Variants in NYAP2 observed in about 807,000 individuals in gnomAD.
NYAP2 encodes the protein neuronal tyrosine-phosphorylated phosphoinositide-3-kinase adaptor 2.
A neutral mutation model predicts 50.4 loss-of-function variants in NYAP2; 23 were observed. That is an observed-to-expected ratio of 0.46 (90% confidence interval 0.33 to 0.65). The LOEUF is 0.65. Among genes scored for constraint, NYAP2 ranks in the 30% least tolerant of loss-of-function variants. The pLI is 0.02. For synonymous variants in NYAP2, 394 were observed against 365.2 expected (o/e 1.08, Z -0.90); for missense variants, 885 against 861.0 (o/e 1.03, Z -0.35).
chr2:225,415,029 A>C lies in NYAP2; in HGVS notation c.221+5928A>C, dbSNP rs562770462. Reference sequence around the variant, plus strand: ...TAGTTAAATTTTCCAAAACATTGTGAATCTGGAAGACAGCTCTCGACTTTA... The same window carrying C: ...TAGTTAAATTTTCCAAAACATTGTGCATCTGGAAGACAGCTCTCGACTTTA... On this transcript the variant is annotated intron_variant, in intron 3 of 6. Transcript: ENST00000636099. Among the ~76,000 whole-genome samples the C allele has an allele frequency of 7.9e-4, 121 of 152,222 alleles. 1 individual carries two copies. Among genetic ancestry groups the C allele is most frequent in the African/African-American group, 2.6e-3 (109 of 41,552 alleles).
Position 225,571,775 on chromosome 2 carries a change from C to T in NYAP2, c.524-10166C>T, listed in dbSNP as rs144001024. Among the ~76,000 whole-genome samples, 5 of 152,320 alleles carry T rather than the reference C, an allele frequency of 3.3e-5. No individual in the cohort carries two copies. In the East Asian group the frequency reaches 9.6e-4, roughly 29 times the overall value. On this transcript the variant is annotated intron_variant, in intron 4 of 6. Transcript: ENST00000636099. The stretch of plus-strand genomic sequence containing the variant: ...CATTATCTTGGTGATTAACATTTGG[C>T]TCCTTGTTACTTATGCAAATTTCTG...
At chr2:225,583,509 C>T (rs1692337530) in intron 5 of NYAP2, among the ~76,000 whole-genome samples, 1 of 151,724 alleles carries the variant, frequency 6.6e-6, no homozygotes. Flanking sequence ...TGACAATCTG[C>T]ACAATATAAC....
chr2:225,581,887 T>C, intron 4 of NYAP2, 54 bp from the exon 5 acceptor site: 2 of 1,513,022 alleles, frequency 1.3e-6, no homozygotes, highest in Non-Finnish European at 1.8e-6. Context: ...CAAATCATTT[T>C]TGAAAACTTT....
chr2:225,418,164 T>G (rs1695154382), intron 3 of NYAP2, among the ~76,000 whole-genome samples: 2 of 152,064 alleles, frequency 1.3e-5, no homozygotes, highest in African/African-American at 4.8e-5. Flanking sequence ...AAAAACAGAT[T>G]TCTAAGGAAG....
intron 3 of NYAP2, among the ~76,000 whole-genome samples, chr2:225,512,057 G>T (rs1690827776): frequency 6.6e-6 from 1 of 152,044 alleles, no homozygotes; most frequent in Non-Finnish European, 1.5e-5. Context: ...AGAAACTCTA[G>T]AAAAATCTTC....
intron 4 of NYAP2, among the ~76,000 whole-genome samples, chr2:225,538,581 C>T (rs912389668): frequency 1.3e-5 from 2 of 152,192 alleles, no homozygotes; most frequent in African/African-American, 4.8e-5. Context: ...GCCTGGCCCA[C>T]AAAACCACGT....
intron 3 of NYAP2, among the ~76,000 whole-genome samples, chr2:225,433,499 T>TA (rs1159916916): frequency 6.6e-6 from 1 of 151,922 alleles, no homozygotes; most frequent in Non-Finnish European, 1.5e-5. Flanking sequence ...GTCAAATTTT[T>TA]AAAGGGCAAA....
chr2:225,405,315 G>A lies in NYAP2; in HGVS notation c.-17-3549G>A, dbSNP rs896931888. Reference sequence around the variant, plus strand: ...GACAGAGCTAAAGATGCTACCTGGAGGAGAGGGGACATTTGCCTCTTAACA... The same window carrying A: ...GACAGAGCTAAAGATGCTACCTGGAAGAGAGGGGACATTTGCCTCTTAACA... On this transcript the variant is annotated intron_variant, in intron 2 of 6. Transcript: ENST00000636099. 6.9e-4 allele frequency among the ~76,000 whole-genome samples: 105 copies of A among 151,962 alleles called. 2 individuals carry two copies. The highest frequency in any genetic ancestry group is 1.5e-4 in the Non-Finnish European group (10 of 67,960).
chr2:225,604,221 A>G (rs1345400343), intron 5 of NYAP2, among the ~76,000 whole-genome samples: 2 of 152,154 alleles, frequency 1.3e-5, no homozygotes, highest in Non-Finnish European at 2.9e-5. Context: ...TAACCTAAAA[A>G]AAGCTGAAAA....
intron 4 of NYAP2, among the ~76,000 whole-genome samples, chr2:225,559,500 A>G (rs951477875): frequency 6.6e-6 from 1 of 152,072 alleles, no homozygotes; most frequent in Non-Finnish European, 1.5e-5. Context: ...TCCTAAGCTG[A>G]AGATTTTTGC....
chr2:225,512,183 A>G (rs1290312755), intron 3 of NYAP2, among the ~76,000 whole-genome samples: 2 of 152,184 alleles, frequency 1.3e-5, no homozygotes, highest in East Asian at 3.8e-4. Flanking sequence ...TTGAGTTCCA[A>G]AATTAGAGGG....
intron 3 of NYAP2, among the ~76,000 whole-genome samples, chr2:225,427,270 C>G (rs888844544): frequency 6.6e-6 from 1 of 152,126 alleles, no homozygotes; most frequent in African/African-American, 2.4e-5. Flanking sequence ...CAGTGATTGT[C>G]CACAAAAGGG....
chr2:225,694,482 T>A, the NYAP2 span, among the ~76,000 whole-genome samples: 25 of 151,894 alleles, frequency 1.6e-4, no homozygotes, highest in East Asian at 4.5e-3. Flanking sequence ...AAAAATAATA[T>A]TTAGATATAT....
intron 3 of NYAP2, among the ~76,000 whole-genome samples, chr2:225,470,215 G>A (rs752327311): frequency 6.6e-6 from 1 of 151,758 alleles, no homozygotes; most frequent in Non-Finnish European, 1.5e-5. Context: ...GATTTTTTTT[G>A]TGCCTAAAGT....
At chr2:225,480,746 C>G (rs1690192171) in intron 3 of NYAP2, among the ~76,000 whole-genome samples, 1 of 152,030 alleles carries the variant, frequency 6.6e-6, no homozygotes. Flanking sequence ...GAGAAGATGA[C>G]TTAAAACTTG....
At chr2:225,619,540 G>A (rs1368485530) in intron 5 of NYAP2, among the ~76,000 whole-genome samples, 1 of 152,192 alleles carries the variant, frequency 6.6e-6, no homozygotes. Flanking sequence ...ACCCACTAAT[G>A]TATGGGGTCA....
rs568722337 is a variant in NYAP2 at position 225,484,280 on chromosome 2, C to T, written c.222-29091C>T. 3.3e-5 allele frequency among the ~76,000 whole-genome samples: 5 copies of T among 152,316 alleles called. No homozygotes were observed. The South Asian group carries it at 8.3e-4, about 25-fold the overall frequency. On this transcript the variant is annotated intron_variant, in intron 3 of 6. Coordinates refer to ENST00000636099, the Ensembl canonical transcript of NYAP2. The stretch of plus-strand genomic sequence containing the variant: ...GACTGTAAGAAGGATGGTGTTCCAA[C>T]ATGTATTTTTTCAGTGTACACGTCC...
At chr2:225,617,186 G>A (rs1559231111) in intron 5 of NYAP2, among the ~76,000 whole-genome samples, 1 of 152,106 alleles carries the variant, frequency 6.6e-6, no homozygotes, top group African/African-American at 2.4e-5. Context: ...CAGCACTTTG[G>A]GTGGCCAAGG....
chr2:225,581,980 A>G (rs1427735771), exon 5 of NYAP2: 3 of 1,612,146 alleles, frequency 1.9e-6, no homozygotes, highest in South Asian at 1.1e-5. Context: ...GAATATTCCA[A>G]GAAGATTCCT....
Sources: gnomAD v4.1 joint callset for allele counts (sites outside exome capture counted in the v4.1 genomes callset) on GRCh38, gnomAD v4.1.1 for gene constraint, MANE v1.5 for transcripts, NCBI Gene and HGNC (gene_info 2026-07-23, HGNC 2026-07-21) for gene names.